The following RASSF6 variants were observed in gnomAD, a reference collection of about 807,000 sequenced individuals.
RASSF6 encodes ras association domain-containing protein 6.
A neutral mutation model predicts 44.0 loss-of-function variants in RASSF6; 52 were observed. That is an observed-to-expected ratio of 1.18 (90% CI 0.95 to 1.49). The LOEUF is 1.49. RASSF6 is among the 40% of genes most tolerant of loss of function. The probability of loss-of-function intolerance (pLI) is 0.00; values close to 1 mark genes in which losing one functional copy is unlikely to be tolerated. For missense variants in RASSF6, 464 were observed against 393.3 expected, an observed-to-expected ratio of 1.18 and a Z score of -1.52; for synonymous variants, 162 against 124.6, an observed-to-expected ratio of 1.30 and a Z score of -2.00.
chr4:73,585,388 C>T (rs370363934), intron 5 of RASSF6, 24 bp from the exon 6 acceptor site: 2 of 1,483,690 alleles, frequency 1.3e-6, no homozygotes, highest in Admixed American at 2.2e-5. Flanking sequence ...ATTATAAGCT[C>T]ATATCATTCA....
chr4:73,593,593 T>A lies in RASSF6; in HGVS notation c.145A>T (p.Thr49Ser), dbSNP rs1294259857. 1 of 1,612,334 alleles carries A rather than the reference T, an allele frequency of 6.2e-7. No homozygotes were observed. The highest frequency in any genetic ancestry group is 8.5e-7 in the Non-Finnish European group (1 of 1,179,386). The change falls in exon 4 of 11, where the codon ACT becomes TCT. Residue 49 changes from threonine to serine, a missense_variant and splice_region_variant. By Grantham distance (58) the Thr-to-Ser change is moderately conservative (BLOSUM62 1). Transcript: ENST00000307439. Reference sequence around the variant, plus strand: ...TCAACAATTAGTTTGCCATCTTCAGTCTAAGGAAGAAATGAATAATCCCCC... The same window carrying A: ...TCAACAATTAGTTTGCCATCTTCAGACTAAGGAAGAAATGAATAATCCCCC... ...QKNLHILYGE[T>S]EDGKLIVEGM...
At chr4:73,583,404 T>C (rs1723821646) in intron 6 of RASSF6, among the ~76,000 whole-genome samples, 1 of 152,130 alleles carries the variant, frequency 6.6e-6, no homozygotes. Flanking sequence ...TACTATCACA[T>C]TGATAGAAAT....
intron 4 of RASSF6, among the ~76,000 whole-genome samples, chr4:73,588,783 GTCATCA>G (rs71217483): frequency 3.4e-5 from 5 of 148,694 alleles, no homozygotes; most frequent in South Asian, 2.2e-4. Context: ...CATCTCCATT[GTCATCA>G]TCATCATCAT....
At chr4:73,581,896 A>G in intron 7 of RASSF6, 28 bp from the exon 8 acceptor site, 1 of 1,563,756 alleles carries the variant, frequency 6.4e-7, no homozygotes, top group Non-Finnish European at 8.8e-7. Context: ...GAACAAATAT[A>G]AATTCTTTGT....
chr4:73,576,512 G>A lies in RASSF6; in HGVS notation c.841-5C>T. On this transcript the variant is annotated splice_polypyrimidine_tract_variant and splice_region_variant and intron_variant, in intron 9 of 10. Coordinates refer to ENST00000307439, the MANE Select transcript of RASSF6 (RefSeq NM_177532.5). Reference sequence around the variant, plus strand: ...AAAGTTAATGTACTGAGCCACCTAAGAAAGAAGAAGAAGAAAAAAAAAAGA... The same window carrying A: ...AAAGTTAATGTACTGAGCCACCTAAAAAAGAAGAAGAAGAAAAAAAAAAGA... 6.4e-7 allele frequency: 1 copy of A among 1,554,346 alleles called. No homozygotes were observed. The highest frequency in any genetic ancestry group is 8.7e-7 in the Non-Finnish European group (1 of 1,146,972).
intron 3 of RASSF6, among the ~76,000 whole-genome samples, chr4:73,596,990 C>G (rs547085300): frequency 6.6e-6 from 1 of 152,030 alleles, no homozygotes; most frequent in African/African-American, 2.4e-5. Context: ...GACTAATGAT[C>G]GAAATGTAAA....
chr4:73,593,303 A>G (rs1724703879), intron 4 of RASSF6, 148 bp downstream of exon 4: 1 of 766,788 alleles, frequency 1.3e-6, no homozygotes, highest in Non-Finnish European at 2.0e-6. Flanking sequence ...GGTGTGAGCC[A>G]CCGTGCCCGG....
intron 2 of RASSF6, among the ~76,000 whole-genome samples, chr4:73,602,554 T>C (rs891288086): frequency 4.7e-5 from 7 of 149,512 alleles, no homozygotes; most frequent in Non-Finnish European, 1.0e-4. Context: ...CTGTTGCCTG[T>C]CAGTGGTAAT....
At chr4:73,586,021 G>C (rs367572402) in intron 5 of RASSF6, among the ~76,000 whole-genome samples, 2 of 118,492 alleles carry the variant, frequency 1.7e-5, no homozygotes, top group East Asian at 2.6e-4. Context: ...AAGTTCTTTG[G>C]AGCTTTTCCT....
chr4:73,576,146 G>A lies in RASSF6; in HGVS notation c.*89C>T, dbSNP rs6814545. 1.3e-3 allele frequency: 870 copies of A among 679,306 alleles called. 5 individuals are homozygous for A. In the African/African-American group the frequency reaches 0.014, roughly 11 times the overall value. The allele number at this position is 679,306 out of a possible 1,614,324, so 42.1% of individuals were successfully genotyped here. Reference sequence around the variant, plus strand: ...TACGATTCAAGTCTCATATATGTTCGTATAAATGCAAGTACAGAACTTATG... The same window carrying A: ...TACGATTCAAGTCTCATATATGTTCATATAAATGCAAGTACAGAACTTATG... On this transcript the variant is annotated 3_prime_UTR_variant, in exon 11 of 11. Coordinates refer to ENST00000307439, the MANE Select transcript of RASSF6 (RefSeq NM_177532.5).
chr4:73,615,010 A>G (rs146841131), intron 1 of RASSF6, among the ~76,000 whole-genome samples: 1,550 of 152,188 alleles, frequency 0.01, 10 homozygotes, highest in Non-Finnish European at 0.018. Flanking sequence ...TAGTATTAAC[A>G]GTGAAGTGAA....
intron 6 of RASSF6, 58 bp downstream of exon 6, chr4:73,585,122 G>T: frequency 1.6e-6 from 2 of 1,218,102 alleles, no homozygotes; most frequent in South Asian, 1.7e-5. Flanking sequence ...GGGTGGTATT[G>T]TTAGTGAAAC....
At chr4:73,585,142 TATTTTATA>T in intron 6 of RASSF6, 30 bp downstream of exon 6, 1 of 1,428,400 alleles carries the variant, frequency 7.0e-7, no homozygotes, top group Non-Finnish European at 9.5e-7. Flanking sequence ...CAGGGAACCT[TATTTTATA>T]TTACATTAAT....
Position 73,585,225 on chromosome 4 carries a change from T to A in RASSF6, c.522A>T (p.Arg174Ser), listed in dbSNP as rs762628103. The change falls in exon 6 of 11, where the codon AGA becomes AGT. Residue 174 changes from arginine to serine, a missense_variant. By Grantham distance (110) the Arg-to-Ser change is moderately radical. Coordinates refer to ENST00000307439, the MANE Select transcript of RASSF6 (RefSeq NM_177532.5). ...CATTAATAGAGGCTCTATTTTTCTG[T>A]CTTTCTTTTCTGTCCATCATCAGAG... is the stretch of plus-strand genomic sequence containing the variant. ...MKPLMMDRKE[R>S]QKNRASINGH... The A allele has an allele frequency of 2.2e-5, 36 of 1,611,746 alleles. No individual in the cohort carries two copies. In the East Asian group the frequency reaches 6.2e-4, roughly 28 times the overall value.
rs557807369 is a variant in RASSF6 at position 73,586,805 on chromosome 4, G to A, written c.382+1035C>T. On this transcript the variant is annotated intron_variant, in intron 5 of 10. Transcript: ENST00000307439. ...GGGCCGATATTTAACAAGATGTAAA[G>A]ATCCCATGGCATAAAGAGAAAAGGG... Among the ~76,000 whole-genome samples, 4 of 151,178 alleles carry A rather than the reference G, an allele frequency of 2.6e-5. No homozygotes were observed. The South Asian group carries it at 8.4e-4, about 32-fold the overall frequency.
chr4:73,606,891 T>C (rs947436769), intron 2 of RASSF6, among the ~76,000 whole-genome samples: 2 of 152,180 alleles, frequency 1.3e-5, no homozygotes, highest in East Asian at 3.8e-4. Flanking sequence ...TTCAGCCCCC[T>C]GGACATTTGG....
At chr4:73,601,981 T>C (rs1428553896) in intron 2 of RASSF6, among the ~76,000 whole-genome samples, 1 of 152,188 alleles carries the variant, frequency 6.6e-6, no homozygotes, top group Non-Finnish European at 1.5e-5. Context: ...AAGGAATAGA[T>C]GTTGCCTACG....
chr4:73,576,599 G>A lies in RASSF6; in HGVS notation c.840+14C>T. 6.3e-7 allele frequency: 1 copy of A among 1,588,664 alleles called. No individual in the cohort carries two copies. The highest frequency in any genetic ancestry group is 1.7e-5 in the Admixed American group (1 of 59,696). On this transcript the variant is annotated intron_variant, in intron 9 of 10. Transcript: ENST00000307439. ...GGGAAGCAAAAAACAGATTCAGGGT[G>A]ATGGTATTCATACATCACTGCTAAT... is the stretch of plus-strand genomic sequence containing the variant.
At chr4:73,583,499 A>G (rs989158820) in intron 6 of RASSF6, among the ~76,000 whole-genome samples, 4 of 152,118 alleles carry the variant, frequency 2.6e-5, no homozygotes, top group Non-Finnish European at 4.4e-5. Flanking sequence ...TTCATAGCCT[A>G]ACAATATTGG....
Sources: allele counts gnomAD v4.1 joint callset (sites outside exome capture counted in the v4.1 genomes callset), GRCh38; gene constraint gnomAD v4.1.1; transcripts MANE v1.5; gene names NCBI Gene and HGNC (gene_info 2026-07-23, HGNC 2026-07-21).